The following TSHZ3 variants were observed in gnomAD, a reference collection of about 807,000 sequenced individuals.
TSHZ3 encodes teashirt homolog 3.
TSHZ3 carries 10 observed loss-of-function variants against 64.5 expected under a neutral mutation model. The observed-to-expected ratio is 0.16, with a 90% CI of 0.10 to 0.26. The LOEUF is 0.26. Ranked by LOEUF, TSHZ3 falls within the 10% of genes least tolerant of loss-of-function variation. The pLI is 1.00. For missense variants in TSHZ3, 1,242 were observed against 1,421.7 expected, an observed-to-expected ratio of 0.87 and a Z score of 2.03; for synonymous variants, 608 against 593.1, an observed-to-expected ratio of 1.03 and a Z score of -0.36.
intron 1 of TSHZ3, among the ~76,000 whole-genome samples, chr19:31,259,913 T>C (rs1599609363): frequency 1.3e-5 from 2 of 152,166 alleles, no homozygotes; most frequent in South Asian, 2.1e-4. Flanking sequence ...CCAGGTCTCT[T>C]GTGGGACCAA....
At chr19:31,246,329 T>A (rs939649959) in intron 1 of TSHZ3, among the ~76,000 whole-genome samples, 2 of 152,244 alleles carry the variant, frequency 1.3e-5, no homozygotes, top group African/African-American at 4.8e-5. Context: ...CTTTCTTACC[T>A]GTATTTAAAA....
At chr19:31,266,481 G>T (rs1488616121) in intron 1 of TSHZ3, among the ~76,000 whole-genome samples, 1 of 152,050 alleles carries the variant, frequency 6.6e-6, no homozygotes, top group African/African-American at 2.4e-5. Context: ...AGTTCACACT[G>T]GGGCTTATTC....
chr19:31,217,663 A>C (rs1248514612), intron 4 of TSHZ3, among the ~76,000 whole-genome samples: 1 of 152,068 alleles, frequency 6.6e-6, no homozygotes, highest in African/African-American at 2.4e-5. Flanking sequence ...CATCACCCAG[A>C]ATCCATAGTT....
At chr19:31,221,635 T>C (rs1264130367) in intron 4 of TSHZ3, among the ~76,000 whole-genome samples, 1 of 152,198 alleles carries the variant, frequency 6.6e-6, no homozygotes, top group Non-Finnish European at 1.5e-5. Context: ...CCCTCTCCTG[T>C]AATGCTTTCT....
intron 1 of TSHZ3, among the ~76,000 whole-genome samples, chr19:31,246,702 A>T (rs1337814502): frequency 6.6e-6 from 1 of 152,204 alleles, no homozygotes; most frequent in African/African-American, 2.4e-5. Flanking sequence ...AGGACCTGGA[A>T]GCAATGGAAC....
chr19:31,348,985 G>A, intron 1 of TSHZ3, 195 bp downstream of exon 1: 4 of 643,854 alleles, frequency 6.2e-6, no homozygotes, highest in Non-Finnish European at 1.0e-5. Context: ...AGGGAAGAGG[G>A]CAGAGCGCGG....
At chr19:31,191,713 G>A (rs1039608318) in intron 5 of TSHZ3, among the ~76,000 whole-genome samples, 7 of 151,844 alleles carry the variant, frequency 4.6e-5, no homozygotes, top group Admixed American at 2.0e-4. Flanking sequence ...AAAAAAATTA[G>A]CCGGGCATGG....
chr19:31,211,745 G>T (rs1328635946), intron 4 of TSHZ3, among the ~76,000 whole-genome samples: 1 of 152,140 alleles, frequency 6.6e-6, no homozygotes, highest in East Asian at 1.9e-4. Flanking sequence ...GGGGAGTGTG[G>T]GGTTTCAATC....
At position 31,295,255 on chromosome 19, in the gene TSHZ3, G is replaced by A. The variant is rs568148464; in HGVS notation, c.41-15503C>T. Among the ~76,000 whole-genome samples, 4 of 152,288 alleles carry A rather than the reference G, an allele frequency of 2.6e-5. No homozygotes were observed. The South Asian group carries it at 6.2e-4, about 24-fold the overall frequency. The stretch of plus-strand genomic sequence containing the variant: ...TGAAAATCTGTTTGTCAGTATCTAC[G>A]AAAGCTACACTTACACATACTCTGT... On this transcript the variant is annotated intron_variant, in intron 1 of 1. Transcript: ENST00000240587.
intron 1 of TSHZ3, among the ~76,000 whole-genome samples, chr19:31,341,623 T>TGA (rs1917437835): frequency 7.4e-6 from 1 of 134,428 alleles, no homozygotes; most frequent in African/African-American, 3.0e-5. Flanking sequence ...TCTCTCTCTC[T>TGA]CTCTCTGACA....
chr19:31,251,810 C>A (rs1975847354), intron 1 of TSHZ3, among the ~76,000 whole-genome samples: 1 of 152,198 alleles, frequency 6.6e-6, no homozygotes, highest in Admixed American at 6.5e-5. Context: ...TACCACAGAG[C>A]CAGGGCTGAG....
Position 31,172,809 on chromosome 19 carries a change from G to A in TSHZ3, n.810-16392C>T, listed in dbSNP as rs370187587. ...GAGGTTGAGCAAGGATTTTAAAATG[G>A]AGGGAGCCATGGAAATCTAGAAGAA... On this transcript the variant is annotated intron_variant and non_coding_transcript_variant, in intron 5 of 6. Coordinates refer to the TSHZ3 transcript ENST00000651361. 2.6e-5 allele frequency among the ~76,000 whole-genome samples: 4 copies of A among 152,342 alleles called. 1 individual carries two copies. The highest frequency in any genetic ancestry group is 9.6e-5 in the African/African-American group (4 of 41,576).
chr19:31,333,903 T>C (rs910581054), intron 1 of TSHZ3, among the ~76,000 whole-genome samples: 1 of 152,312 alleles, frequency 6.6e-6, no homozygotes, highest in Middle Eastern at 3.4e-3. Flanking sequence ...TGAAAGATGT[T>C]TTCCTTGCAG....
intron 4 of TSHZ3, among the ~76,000 whole-genome samples, chr19:31,216,288 C>T (rs1001506268): frequency 6.6e-6 from 1 of 152,124 alleles, no homozygotes; most frequent in Admixed American, 6.5e-5. Flanking sequence ...AAGCTGAGCA[C>T]ACAACTAGGA....
chr19:31,280,631 A>C (rs559198503), intron 1 of TSHZ3, among the ~76,000 whole-genome samples: 15 of 152,378 alleles, frequency 9.8e-5, no homozygotes, highest in African/African-American at 3.6e-4. Flanking sequence ...ACAAATGTCA[A>C]AGTGTTTGCT....
chr19:31,213,938 AG>A (rs1975293394), intron 4 of TSHZ3, among the ~76,000 whole-genome samples: 1 of 152,194 alleles, frequency 6.6e-6, no homozygotes, highest in Non-Finnish European at 1.5e-5. Flanking sequence ...GCGACAATTT[AG>A]GGGGATTTTA....
chr19:31,312,015 C>T (rs1916472303), intron 1 of TSHZ3, among the ~76,000 whole-genome samples: 1 of 152,220 alleles, frequency 6.6e-6, no homozygotes, highest in South Asian at 2.1e-4. Context: ...TGAGCCACTG[C>T]ACCCGGCCAA....
At chr19:31,338,958 C>G (rs1337985066) in intron 1 of TSHZ3, among the ~76,000 whole-genome samples, 1 of 152,024 alleles carries the variant, frequency 6.6e-6, no homozygotes, top group Non-Finnish European at 1.5e-5. Flanking sequence ...AGGCCCCTAC[C>G]CTGCCCCAGC....
At chr19:31,348,363 ATG>A (rs1412106173) in intron 1 of TSHZ3, among the ~76,000 whole-genome samples, 1 of 150,008 alleles carries the variant, frequency 6.7e-6, no homozygotes, top group Non-Finnish European at 1.5e-5. Context: ...AAATAATGTT[ATG>A]TGTGTGGTTT....
Sources: gnomAD v4.1 joint callset for allele counts (sites outside exome capture counted in the v4.1 genomes callset) on GRCh38, gnomAD v4.1.1 for gene constraint, MANE v1.5 for transcripts, NCBI Gene and HGNC (gene_info 2026-07-23, HGNC 2026-07-21) for gene names.